Variants in ATP5MC1 observed in about 807,000 individuals in gnomAD.
ATP5MC1 encodes the protein ATP synthase F(0) complex subunit C1, mitochondrial.
A neutral mutation model predicts 12.1 loss-of-function variants in ATP5MC1; 4 were observed. The ratio of observed to expected loss-of-function variants is 0.33; its 90% CI spans 0.16 to 0.76. The LOEUF (loss-of-function observed/expected upper bound fraction) is 0.76. Ranked by LOEUF, ATP5MC1 falls within the 30% of genes least tolerant of loss-of-function variation. ATP5MC1 has a pLI of 0.61. For synonymous variants in ATP5MC1, 52 were observed against 66.0 expected (o/e 0.79, Z 1.03); for missense variants, 117 against 172.1 (o/e 0.68, Z 1.79).
chr17:48,895,464 C>T (rs2040564412), intron 4 of ATP5MC1, 130 bp downstream of exon 4: 1 of 1,398,758 alleles, frequency 7.1e-7, no homozygotes, highest in Non-Finnish European at 9.7e-7. Context: ...CCAGAGAAAA[C>T]ATGCATCCAG....
At position 48,894,494 on chromosome 17, in the gene ATP5MC1, A is replaced by G. The variant is rs763814622; in HGVS notation, c.117+45A>G. The G allele has an allele frequency of 2.5e-6, 4 of 1,587,026 alleles. No individual in the cohort carries two copies. In the African/African-American group the frequency reaches 5.4e-5, roughly 21 times the overall value. On this transcript the variant is annotated intron_variant, in intron 3 of 4. Transcript: ENST00000393366. ...CTTAGGAATGTTCCCAAGGCCCAGG[A>G]TGGTGGCTCACACCTGTAATCCCAG...
chr17:48,893,744 T>TCATCCAGGGAACTTTTTAAAATC (rs1267958219), intron 2 of ATP5MC1: 1 of 505,374 alleles, frequency 2.0e-6, no homozygotes, highest in South Asian at 2.7e-5. Flanking sequence ...CACGTTAGAA[T>TCATCCAGGGAACTTTTTAAAATC]CATCCAGGGA....
rs1036194479 is a variant in ATP5MC1 at position 48,895,742 on chromosome 17, C to T, written c.384C>T (p.Val128=). 6.2e-6 allele frequency: 10 copies of T among 1,609,884 alleles called. No homozygotes were observed. Among genetic ancestry groups the T allele is most frequent in the East Asian group, 4.5e-5 (2 of 44,658 alleles). ...CCATGGGGCTTTTCTGTTTGATGGT[C>T]GCCTTCCTCATCCTCTTCGCCATGT... ...SEAMGLFCLM[V]AFLILFAM The change falls in exon 5 of 5, where the codon GTC becomes GTT. Residue 128 remains valine, a synonymous_variant. Transcript: ENST00000393366.
intron 2 of ATP5MC1, 65 bp downstream of exon 2, chr17:48,893,521 A>G: frequency 6.3e-7 from 1 of 1,582,848 alleles, no homozygotes; most frequent in Non-Finnish European, 8.7e-7. Flanking sequence ...TCAGTGTTTA[A>G]TGAATGAACC....
At chr17:48,894,861 A>G (rs1041004873) in intron 3 of ATP5MC1, 1 of 571,416 alleles carries the variant, frequency 1.8e-6, no homozygotes, top group South Asian at 1.5e-5. Flanking sequence ...GGAGAGTTGG[A>G]GAATCTGTAT....
At position 48,895,227 on chromosome 17, in the gene ATP5MC1, T is replaced by C; in HGVS notation, c.189T>C (p.Ile63=). The C allele has an allele frequency of 6.2e-7, 1 of 1,612,546 alleles. No individual in the cohort carries two copies. The highest frequency in any genetic ancestry group is 8.5e-7 in the Non-Finnish European group (1 of 1,178,680). Residue 63 remains isoleucine (I), a synonymous_variant, in exon 4 of 5, where the codon ATT becomes ATC. Transcript: ENST00000393366. ...EFQTSVVSRD[I]DTAAKFIGAG... is the part of the protein sequence containing the mutation. ...AGACCAGTGTTGTCTCCCGGGACAT[T>C]GACACAGCAGCCAAGTTTATTGGTG...
In ATP5MC1 at chr17:48,894,464, G is replaced by A. The variant is rs772252604; in HGVS notation, c.117+15G>A. 6.2e-7 allele frequency: 1 copy of A among 1,610,120 alleles called. No individual in the cohort carries two copies. Among genetic ancestry groups the A allele is most frequent in the Non-Finnish European group, 8.5e-7 (1 of 1,177,942 alleles). ...CATCTAAACAGGTAAGGGAGGAATA[G>A]CTCTCTTAGGAATGTTCCCAAGGCC... On this transcript the variant is annotated intron_variant, in intron 3 of 4. Transcript: ENST00000393366.
intron 1 of ATP5MC1, 36 bp from the exon 2 acceptor site, chr17:48,893,373 G>C (rs1325426622): frequency 6.2e-7 from 1 of 1,610,368 alleles, no homozygotes; most frequent in Non-Finnish European, 8.5e-7. Context: ...CAGGGTCTCA[G>C]TGGGATTATT....
At chr17:48,893,540 C>G in intron 2 of ATP5MC1, 84 bp downstream of exon 2, 1 of 1,496,912 alleles carries the variant, frequency 6.7e-7, no homozygotes, top group Non-Finnish European at 9.2e-7. Context: ...CCCAGGGGAG[C>G]TTGGCGTCCT....
In ATP5MC1 at chr17:48,895,321, A is replaced by G. The variant is rs761597386; in HGVS notation, c.283A>G (p.Ile95Val). 1.3e-6 allele frequency: 2 copies of G among 1,591,538 alleles called. No individual in the cohort carries two copies. The highest frequency in any genetic ancestry group is 2.7e-5 in the African/African-American group (2 of 74,514). ...TGGAACCGTGTTTGGCAGCTTGATCATTGGCTATGCCAGGTAAGTTTGGGT... is the reference window on the plus strand; with the variant it reads ...TGGAACCGTGTTTGGCAGCTTGATCGTTGGCTATGCCAGGTAAGTTTGGGT... ...GIGTVFGSLI[I>V]GYARNPSLKQ... Residue 95 changes from isoleucine (I) to valine (V), a missense_variant, in exon 4 of 5, where the codon ATT becomes GTT. By Grantham distance (29) the Ile-to-Val change is conservative. Coordinates refer to ENST00000393366, the MANE Select transcript of ATP5MC1 (RefSeq NM_005175.3).
At chr17:48,894,904 C>CT in intron 3 of ATP5MC1, 1 of 634,620 alleles carries the variant, frequency 1.6e-6, no homozygotes, top group Non-Finnish European at 2.9e-6. Context: ...CAAGGTAAGC[C>CT]TTGTAGGTAA....
Position 48,895,667 on chromosome 17 carries a change from C to G in ATP5MC1, c.309C>G (p.Leu103=). The change falls in exon 5 of 5, where the codon CTC becomes CTG. Residue 103 remains leucine, a synonymous_variant. Transcript: ENST00000393366. The part of the protein sequence containing the change: ...LIIGYARNPS[L]KQQLFSYAIL... ...CTGTCCCTCCCAGGAACCCGTCTCT[C>G]AAGCAGCAGCTCTTCTCCTATGCCA... 1 of 1,613,892 alleles carries G rather than the reference C, an allele frequency of 6.2e-7. No homozygotes were observed. Among genetic ancestry groups the G allele is most frequent in the Non-Finnish European group, 8.5e-7 (1 of 1,179,892 alleles).
At position 48,894,710 on chromosome 17, in the gene ATP5MC1, G is replaced by GT. The variant is rs1308297327; in HGVS notation, c.117+262dup. 11 of 509,010 alleles carry GT rather than the reference G, an allele frequency of 2.2e-5. No homozygotes were observed. The Admixed American group carries it at 3.0e-4, about 14-fold the overall frequency. 31.5% of individuals were successfully genotyped at this position (509,010 alleles called of 1,614,324 possible). The stretch of plus-strand genomic sequence containing the variant: ...GTTAATCCCAGAGGTCGAGACTGCT[G>GT]TGACTATGCCACTGCACTCCAGACT... On this transcript the variant is annotated intron_variant, in intron 3 of 4. Coordinates refer to ENST00000393366, the MANE Select transcript of ATP5MC1 (RefSeq NM_005175.3).
intron 3 of ATP5MC1, 30 bp downstream of exon 3, chr17:48,894,479 T>C (rs764960033): frequency 3.7e-5 from 60 of 1,606,002 alleles, no homozygotes; most frequent in Non-Finnish European, 4.9e-5. Context: ...CTTAGGAATG[T>C]TCCCAAGGCC....
rs774757795 is a variant in ATP5MC1 at position 48,895,708 on chromosome 17, T to C, written c.350T>C (p.Leu117Pro). 3 of 1,614,062 alleles carry C rather than the reference T, an allele frequency of 1.9e-6. No homozygotes were observed. The highest frequency in any genetic ancestry group is 1.7e-5 in the Admixed American group (1 of 60,016). ...LFSYAILGFALSEAMGLFCLM... is the reference protein window; with the variant it reads ...LFSYAILGFAPSEAMGLFCLM... ...TCCTATGCCATTCTTGGCTTTGCCC[T>C]GTCTGAGGCCATGGGGCTTTTCTGT... Residue 117 changes from leucine to proline, a missense_variant, in exon 5 of 5, where the codon CTG (leucine) becomes CCG (proline). Physicochemically the swap from Leu to Pro is moderately conservative, Grantham distance 98. Transcript: ENST00000393366.
intron 2 of ATP5MC1, chr17:48,893,748 C>G: frequency 2.0e-6 from 1 of 492,280 alleles, no homozygotes; most frequent in Non-Finnish European, 3.6e-6. Context: ...TTAGAATCAT[C>G]CAGGGAACTT....
Position 48,892,897 on chromosome 17 carries a change from T to C in ATP5MC1, c.-23T>C, listed in dbSNP as rs1962412. On this transcript the variant is annotated 5_prime_UTR_variant, in exon 1 of 5. Coordinates refer to ENST00000393366, the MANE Select transcript of ATP5MC1 (RefSeq NM_005175.3). Reference sequence around the variant, plus strand: ...TGTGGGCCAAGCAGGGGTTGCAGGGTAGTAGGAGTGCAGGTGACTTGGGGC... The same window carrying C: ...TGTGGGCCAAGCAGGGGTTGCAGGGCAGTAGGAGTGCAGGTGACTTGGGGC... 0.64 allele frequency: 100,801 copies of C among 156,470 alleles called. 33,187 individuals are homozygous for C. The highest frequency in any genetic ancestry group is 0.84 in the East Asian group (4,383 of 5,222). 9.7% of individuals were successfully genotyped at this position (156,470 alleles called of 1,614,324 possible).
chr17:48,893,486 T>C, intron 2 of ATP5MC1, 30 bp downstream of exon 2: 1 of 1,612,500 alleles, frequency 6.2e-7, no homozygotes, highest in Non-Finnish European at 8.5e-7. Context: ...TGCTCTGTAG[T>C]ACCAGGTGTA....
chr17:48,894,199 A>G (rs1052439680), intron 2 of ATP5MC1, 173 bp from the exon 3 acceptor site: 2 of 628,108 alleles, frequency 3.2e-6, no homozygotes, highest in African/African-American at 1.8e-5. Flanking sequence ...ATATCAAGCT[A>G]TTGAGACAGC....
Sources: allele counts gnomAD v4.1 joint callset, GRCh38; gene constraint gnomAD v4.1.1; transcripts MANE v1.5; gene names NCBI Gene and HGNC (gene_info 2026-07-23, HGNC 2026-07-21).